The following LRRTM4 variants were observed in gnomAD, a reference collection of about 807,000 sequenced individuals.
LRRTM4 encodes the protein leucine rich repeat transmembrane neuronal 4, also known as leucine-rich repeat transmembrane neuronal protein 4.
Under a neutral mutation model 47.6 loss-of-function variants are expected in LRRTM4, and 25 were observed. The ratio of observed to expected loss-of-function variants is 0.53; its 90% CI spans 0.38 to 0.73. LRRTM4 has a LOEUF of 0.73. Among genes scored for constraint, LRRTM4 ranks in the 30% least tolerant of loss-of-function variants. The pLI is 0.00. For synonymous variants in LRRTM4, 311 were observed against 269.5 expected, an observed-to-expected ratio of 1.15 and a Z score of -1.51; for missense variants, 638 against 713.4, an observed-to-expected ratio of 0.89 and a Z score of 1.20.
intron 3 of LRRTM4, among the ~76,000 whole-genome samples, chr2:77,306,067 C>G (rs1654244441): frequency 6.6e-6 from 1 of 152,028 alleles, no homozygotes; most frequent in South Asian, 2.1e-4. Flanking sequence ...TATGAATGTG[C>G]CATAATTTGT....
chr2:77,351,077 G>GT (rs1286597249), intron 3 of LRRTM4, among the ~76,000 whole-genome samples: 4 of 151,916 alleles, frequency 2.6e-5, no homozygotes, highest in African/African-American at 9.7e-5. Context: ...CTCCCACCCC[G>GT]TATGCTCATG....
intron 3 of LRRTM4, among the ~76,000 whole-genome samples, chr2:77,369,240 C>T (rs1471711644): frequency 2.0e-5 from 3 of 151,402 alleles, no homozygotes; most frequent in African/African-American, 4.8e-5. Flanking sequence ...CTGTAGGTTG[C>T]GTTTTCATTT....
intron 3 of LRRTM4, among the ~76,000 whole-genome samples, chr2:77,133,528 G>A (rs1671856391): frequency 6.6e-6 from 1 of 152,142 alleles, no homozygotes; most frequent in Non-Finnish European, 1.5e-5. Flanking sequence ...TTTTTAATAA[G>A]TGATAATTGA....
intron 3 of LRRTM4, among the ~76,000 whole-genome samples, chr2:77,077,014 T>C (rs1356718789): frequency 1.3e-5 from 2 of 152,146 alleles, no homozygotes; most frequent in South Asian, 2.1e-4. Context: ...ATTTCAACTA[T>C]TGTAATCCAT....
In LRRTM4 at chr2:76,861,397, A is replaced by T. The variant is rs1573224364; in HGVS notation, c.1552-112481T>A. On this transcript the variant is annotated intron_variant, in intron 3 of 3. Coordinates refer to ENST00000409884, the MANE Select transcript of LRRTM4 (RefSeq NM_001134745.3). The stretch of plus-strand genomic sequence containing the variant: ...GATTTGATTTTTTTTCCCATATCTA[A>T]CTATATGTCACTTACCTCCAAGACG... 2.0e-5 allele frequency among the ~76,000 whole-genome samples: 3 copies of T among 152,226 alleles called. No homozygotes were observed. In the Middle Eastern group the frequency reaches 0.01, roughly 521 times the overall value.
intron 3 of LRRTM4, among the ~76,000 whole-genome samples, chr2:77,281,270 G>A (rs1451547183): frequency 1.3e-5 from 2 of 151,800 alleles, no homozygotes; most frequent in African/African-American, 4.8e-5. Context: ...TCTATCAAAG[G>A]TCATTCTTAG....
intron 3 of LRRTM4, among the ~76,000 whole-genome samples, chr2:77,147,952 G>A (rs923621323): frequency 3.9e-5 from 6 of 152,122 alleles, no homozygotes; most frequent in African/African-American, 1.4e-4. Flanking sequence ...ATTTCATGCA[G>A]CAATTGGAGA....
chr2:77,052,533 C>T (rs1329835916), intron 3 of LRRTM4, among the ~76,000 whole-genome samples: 3 of 151,960 alleles, frequency 2.0e-5, no homozygotes, highest in Non-Finnish European at 4.4e-5. Context: ...GGCCATGTTA[C>T]TCATCTAATA....
intron 3 of LRRTM4, among the ~76,000 whole-genome samples, chr2:77,454,479 A>G (rs930173900): frequency 1.3e-5 from 2 of 152,104 alleles, no homozygotes; most frequent in Non-Finnish European, 2.9e-5. Flanking sequence ...TTTATTTCAT[A>G]TTTAATTGAA....
intron 3 of LRRTM4, among the ~76,000 whole-genome samples, chr2:76,928,577 C>A (rs1316523482): frequency 6.6e-6 from 1 of 152,074 alleles, no homozygotes; most frequent in African/African-American, 2.4e-5. Flanking sequence ...GCAGTCGTGC[C>A]TTAAATGATT....
At chr2:76,823,095 G>T (rs1671097604) in intron 3 of LRRTM4, among the ~76,000 whole-genome samples, 1 of 151,174 alleles carries the variant, frequency 6.6e-6, no homozygotes, top group Non-Finnish European at 1.5e-5. Flanking sequence ...AAAATAAAAA[G>T]GGTTAATTTC....
intron 3 of LRRTM4, among the ~76,000 whole-genome samples, chr2:77,207,288 GTA>G (rs1233969025): frequency 1.4e-5 from 2 of 141,826 alleles, no homozygotes; most frequent in African/African-American, 5.3e-5. Context: ...ATATGTGTGT[GTA>G]TATATATACG....
intron 3 of LRRTM4, among the ~76,000 whole-genome samples, chr2:76,806,831 A>T (rs111649106): frequency 6.6e-6 from 1 of 152,172 alleles, no homozygotes. Context: ...TTTTTAATAT[A>T]TATTGGTACT....
At chr2:77,203,398 T>A (rs1674032445) in intron 3 of LRRTM4, among the ~76,000 whole-genome samples, 1 of 152,076 alleles carries the variant, frequency 6.6e-6, no homozygotes, top group African/African-American at 2.4e-5. Flanking sequence ...ACATGGTCAC[T>A]TTCGGAAGAG....
At chr2:77,421,071 C>T (rs1674863017) in intron 3 of LRRTM4, among the ~76,000 whole-genome samples, 1 of 151,304 alleles carries the variant, frequency 6.6e-6, no homozygotes, top group Non-Finnish European at 1.5e-5. Flanking sequence ...CTAGAGGTAT[C>T]AAAGAAATTT....
chr2:77,206,197 G>C lies in LRRTM4; in HGVS notation c.1551+312121C>G, dbSNP rs201223848. Among the ~76,000 whole-genome samples, 3 of 96,076 alleles carry C rather than the reference G, an allele frequency of 3.1e-5. 1 individual carries two copies. Among genetic ancestry groups the C allele is most frequent in the African/African-American group, 1.2e-4 (3 of 24,512 alleles). The allele number at this position is 96,076 out of a possible 152,430, so 63.0% of individuals were successfully genotyped here. On this transcript the variant is annotated intron_variant, in intron 3 of 3. Coordinates refer to ENST00000409884, the MANE Select transcript of LRRTM4 (RefSeq NM_001134745.3). ...AAATTCTATTTTTTTTTTTTTTTTT[G>C]AAACAGGGTCTCACTCTGTTGCCCA...
intron 3 of LRRTM4, among the ~76,000 whole-genome samples, chr2:76,837,475 G>A (rs1316164940): frequency 1.3e-5 from 2 of 151,880 alleles, no homozygotes; most frequent in Non-Finnish European, 2.9e-5. Flanking sequence ...TGATGTTAGG[G>A]TGTCAATTTT....
intron 3 of LRRTM4, among the ~76,000 whole-genome samples, chr2:77,004,209 G>A (rs1677544899): frequency 6.6e-6 from 1 of 152,190 alleles, no homozygotes; most frequent in Non-Finnish European, 1.5e-5. Context: ...GGAGCCAAAT[G>A]TTAATTGCCA....
chr2:76,776,031 G>C (rs2104132389), intron 3 of LRRTM4, among the ~76,000 whole-genome samples: 1 of 152,096 alleles, frequency 6.6e-6, no homozygotes, highest in African/African-American at 2.4e-5. Context: ...TCTTGCAGTA[G>C]TTTACTGAGA....
Sources: allele counts gnomAD v4.1 joint callset (sites outside exome capture counted in the v4.1 genomes callset), GRCh38; gene constraint gnomAD v4.1.1; transcripts MANE v1.5; gene names NCBI Gene and HGNC (gene_info 2026-07-23, HGNC 2026-07-21).